The following DMD variants were observed in gnomAD, a reference collection of about 807,000 sequenced individuals.
DMD encodes the protein dystrophin, also known as mutant dystrophin.
DMD carries 63 observed loss-of-function variants against 330.1 expected under a neutral mutation model. The ratio of observed to expected loss-of-function variants is 0.19; its 90% CI spans 0.16 to 0.24. DMD has a LOEUF of 0.24. Among genes scored for constraint, DMD ranks in the 10% least tolerant of loss-of-function variants. The pLI is 1.00. For synonymous variants in DMD, 1,223 were observed against 959.8 expected, an observed-to-expected ratio of 1.27 and a Z score of -5.07; for missense variants, 3,344 against 2,684.1, an observed-to-expected ratio of 1.25 and a Z score of -5.43.
chrX:31,526,180 T>G (rs1268744484), intron 55 of DMD, among the ~76,000 whole-genome samples: 2 of 112,456 alleles, frequency 1.8e-5, no homozygotes, highest in African/African-American at 6.5e-5. Context: ...AAAAAGTGTT[T>G]CCATGTTTCC....
intron 48 of DMD, among the ~76,000 whole-genome samples, chrX:31,848,538 C>G (rs1011828130): frequency 1.8e-5 from 2 of 110,592 alleles, no homozygotes; most frequent in African/African-American, 6.6e-5. Context: ...TTTTTTTCCT[C>G]CATGCCTTAT....
chrX:31,878,526 T>G (rs929165918), intron 47 of DMD, among the ~76,000 whole-genome samples: 2 of 111,955 alleles, frequency 1.8e-5, no homozygotes, highest in Non-Finnish European at 3.8e-5. Flanking sequence ...TAAACTGGAC[T>G]ATATAAAAAA....
intron 56 of DMD, among the ~76,000 whole-genome samples, chrX:31,503,294 C>T (rs12687514): frequency 0.036 from 3,977 of 111,953 alleles, 71 homozygotes; most frequent in Middle Eastern, 0.075. Flanking sequence ...TAAAATTGTA[C>T]GATTGCAAGA....
At chrX:33,055,511 G>A (rs1222044158) in intron 1 of DMD, among the ~76,000 whole-genome samples, 1 of 111,781 alleles carries the variant, frequency 8.9e-6, no homozygotes, top group African/African-American at 3.3e-5. Flanking sequence ...AGTTAAACCT[G>A]ACACAAATGC....
intron 1 of DMD, among the ~76,000 whole-genome samples, chrX:33,143,256 T>G (rs915207120): frequency 9.0e-6 from 1 of 111,176 alleles, no homozygotes; most frequent in African/African-American, 3.3e-5. Flanking sequence ...GTTATAATTT[T>G]TACAAGGAGA....
Position 32,608,575 on chromosome X carries a change from T to C in DMD, c.1482+5728A>G, listed in dbSNP as rs1446737611. 2.7e-5 allele frequency among the ~76,000 whole-genome samples: 3 copies of C among 110,787 alleles called. No homozygotes were observed. In the Admixed American group the frequency reaches 2.9e-4, roughly 11 times the overall value. Reference sequence around the variant, plus strand: ...ACAGATGTATTTTTCTACAGCTTTATGAATTTTTTTTTGCTGTATGCCCAA... The same window carrying C: ...ACAGATGTATTTTTCTACAGCTTTACGAATTTTTTTTTGCTGTATGCCCAA... On this transcript the variant is annotated intron_variant, in intron 12 of 78. Transcript: ENST00000357033.
At chrX:32,921,814 TCCAA>T (rs1472641317) in intron 2 of DMD, among the ~76,000 whole-genome samples, 1 of 111,748 alleles carries the variant, frequency 8.9e-6, no homozygotes, top group Non-Finnish European at 1.9e-5. Flanking sequence ...AGCATATTCA[TCCAA>T]CCATTTATTT....
intron 55 of DMD, among the ~76,000 whole-genome samples, chrX:31,543,249 C>T (rs1345808163): frequency 9.0e-6 from 1 of 111,422 alleles, no homozygotes; most frequent in East Asian, 2.8e-4. Flanking sequence ...TGTCTCACTG[C>T]AACCTCCGCC....
At chrX:31,536,487 G>A (rs1368036974) in intron 55 of DMD, among the ~76,000 whole-genome samples, 2 of 111,421 alleles carry the variant, frequency 1.8e-5, no homozygotes, top group African/African-American at 6.5e-5. Flanking sequence ...AGAATAGAGT[G>A]GACTTAAAAC....
intron 1 of DMD, among the ~76,000 whole-genome samples, chrX:33,315,335 A>C (rs1379783963): frequency 8.9e-6 from 1 of 112,057 alleles, no homozygotes; most frequent in Non-Finnish European, 1.9e-5. Flanking sequence ...GGGCAATACC[A>C]GATAGTTTAT....
chrX:33,207,049 G>T (rs1199550553), intron 1 of DMD, among the ~76,000 whole-genome samples: 1 of 110,281 alleles, frequency 9.1e-6, no homozygotes. Context: ...AGGCCCCAGG[G>T]TGTGTTGTTT....
In DMD at chrX:31,266,928, G is replaced by A. The variant is rs145666976; in HGVS notation, c.9225-5912C>T. ...AAAGTGGAGCGCCGCCGCCGCCGCC[G>A]CCCAAGCTCACAGCTGAAAGCACTG... On this transcript the variant is annotated intron_variant, in intron 62 of 78. Transcript: ENST00000357033. 0.021 allele frequency: 23,901 copies of A among 1,153,111 alleles called. 205 individuals are homozygous for A. The highest frequency in any genetic ancestry group is 0.031 in the South Asian group (1,620 of 52,360).
intron 7 of DMD, among the ~76,000 whole-genome samples, chrX:32,736,666 A>T (rs1275080351): frequency 1.8e-5 from 2 of 108,260 alleles, no homozygotes; most frequent in Non-Finnish European, 3.8e-5. Flanking sequence ...TATCGCAAGA[A>T]CAAAAAACCA....
intron 43 of DMD, among the ~76,000 whole-genome samples, chrX:32,272,945 G>A (rs901257084): frequency 9.0e-6 from 1 of 111,649 alleles, no homozygotes; most frequent in Non-Finnish European, 1.9e-5. Context: ...ATATAACTTA[G>A]GATCCAACTT....
intron 63 of DMD, among the ~76,000 whole-genome samples, chrX:31,256,968 G>A (rs898409523): frequency 9.1e-6 from 1 of 110,027 alleles, no homozygotes; most frequent in African/African-American, 3.3e-5. Context: ...GTATTAGAGA[G>A]CTCCAATGGT....
intron 74 of DMD, among the ~76,000 whole-genome samples, chrX:31,148,894 T>C (rs980978015): frequency 5.4e-5 from 6 of 112,140 alleles, no homozygotes; most frequent in Non-Finnish European, 9.4e-5. Context: ...GGATATGTTC[T>C]AGATGCTAAT....
At chrX:33,314,585 T>TTTTTTTTTTTTTG in intron 1 of DMD, among the ~76,000 whole-genome samples, 1 of 100,035 alleles carries the variant, frequency 1.0e-5, no homozygotes, top group African/African-American at 3.7e-5. Context: ...TTTTTTTTTT[T>TTTTTTTTTTTTTG]TTATCTTTCT....
intron 62 of DMD, among the ~76,000 whole-genome samples, chrX:31,311,466 A>G (rs1170122153): frequency 9.0e-6 from 1 of 111,626 alleles, no homozygotes; most frequent in African/African-American, 3.3e-5. Context: ...GTGGTGGAAT[A>G]TGACTTAGAA....
intron 7 of DMD, among the ~76,000 whole-genome samples, chrX:32,789,821 G>A (rs2148621943): frequency 8.9e-6 from 1 of 111,995 alleles, no homozygotes. Flanking sequence ...GCAAATTTGA[G>A]TTTATATCAC....
Sources: gnomAD v4.1 joint callset for allele counts (sites outside exome capture counted in the v4.1 genomes callset) on GRCh38, gnomAD v4.1.1 for gene constraint, MANE v1.5 for transcripts, NCBI Gene and HGNC (gene_info 2026-07-23, HGNC 2026-07-21) for gene names.